Variants in MAML3 observed in about 807,000 individuals in gnomAD.
MAML3 encodes mastermind like transcriptional coactivator 3.
MAML3 carries 27 observed loss-of-function variants against 101.9 expected under a neutral mutation model. That is an observed-to-expected ratio of 0.27 (90% CI 0.20 to 0.37). MAML3 has a LOEUF of 0.37. Ranked by LOEUF, MAML3 falls within the 10% of genes least tolerant of loss-of-function variation. The pLI, the probability that MAML3 is intolerant of heterozygous loss-of-function variation, is 1.00. For synonymous variants in MAML3, 501 were observed against 555.9 expected, an observed-to-expected ratio of 0.90 and a Z score of 1.39; for missense variants, 1,316 against 1,444.9, an observed-to-expected ratio of 0.91 and a Z score of 1.45.
intron 1 of MAML3, among the ~76,000 whole-genome samples, chr4:139,911,498 G>A (rs949759259): frequency 2.0e-5 from 3 of 152,190 alleles, no homozygotes; most frequent in Non-Finnish European, 4.4e-5. Flanking sequence ...AATTACAGGC[G>A]TGAGCCACTG....
chr4:140,089,453 G>T (rs1220997430), intron 1 of MAML3, among the ~76,000 whole-genome samples: 1 of 152,138 alleles, frequency 6.6e-6, no homozygotes, highest in African/African-American at 2.4e-5. Context: ...TCATGACCTT[G>T]GGCAAGTCAC....
intron 2 of MAML3, among the ~76,000 whole-genome samples, chr4:139,788,362 G>T (rs1191220604): frequency 1.3e-5 from 2 of 152,124 alleles, no homozygotes; most frequent in African/African-American, 4.8e-5. Context: ...ACTAGAATCA[G>T]TTAGTTTGCT....
chr4:139,825,613 G>A (rs1731047978), intron 2 of MAML3, among the ~76,000 whole-genome samples: 1 of 152,178 alleles, frequency 6.6e-6, no homozygotes, highest in Admixed American at 6.5e-5. Context: ...GCTTCCTCCT[G>A]CAAGGCACGG....
At chr4:139,828,485 C>T (rs1384157604) in intron 2 of MAML3, among the ~76,000 whole-genome samples, 1 of 152,186 alleles carries the variant, frequency 6.6e-6, no homozygotes, top group African/African-American at 2.4e-5. Context: ...ATCACATACA[C>T]ATTGAATCCT....
At chr4:140,106,742 C>A (rs1728358868) in intron 1 of MAML3, among the ~76,000 whole-genome samples, 1 of 152,190 alleles carries the variant, frequency 6.6e-6, no homozygotes, top group Admixed American at 6.5e-5. Flanking sequence ...CACTGGCAAC[C>A]AATCACAGCT....
chr4:140,073,292 C>A (rs1347632053), intron 1 of MAML3, among the ~76,000 whole-genome samples: 4 of 152,094 alleles, frequency 2.6e-5, no homozygotes, highest in Non-Finnish European at 5.9e-5. Context: ...CGCCTGCCAC[C>A]ATGCCCGGCT....
Position 139,735,805 on chromosome 4 carries a change from C to G in MAML3, c.2080-5138G>C, listed in dbSNP as rs1436589237. On this transcript the variant is annotated intron_variant, in intron 2 of 4. Transcript: ENST00000509479. The surrounding 1 kb of genome is among the most constrained non-coding windows in gnomAD (Gnocchi z 5.8). Reference sequence around the variant, plus strand: ...GCAGGACCTAGACTGCCTCTCGGCGCAGGCGGCCCTAACAAAGAAGCCCAC... The same window carrying G: ...GCAGGACCTAGACTGCCTCTCGGCGGAGGCGGCCCTAACAAAGAAGCCCAC... Among the ~76,000 whole-genome samples the G allele has an allele frequency of 2.6e-5, 4 of 152,156 alleles. No homozygotes were observed. The highest frequency in any genetic ancestry group is 5.9e-5 in the Non-Finnish European group (4 of 67,998).
chr4:139,997,281 G>A (rs1734836382), intron 1 of MAML3, among the ~76,000 whole-genome samples: 1 of 151,044 alleles, frequency 6.6e-6, no homozygotes, highest in South Asian at 2.1e-4. Flanking sequence ...CATATTTTCT[G>A]ACTACCAGTT....
chr4:139,721,679 G>A (rs1728239510), intron 4 of MAML3, among the ~76,000 whole-genome samples: 1 of 152,064 alleles, frequency 6.6e-6, no homozygotes, highest in South Asian at 2.1e-4. Flanking sequence ...TGTGGCTTGA[G>A]ATCAATATCA....
At chr4:140,002,241 T>A (rs1240279775) in intron 1 of MAML3, among the ~76,000 whole-genome samples, 1 of 152,214 alleles carries the variant, frequency 6.6e-6, no homozygotes, top group Non-Finnish European at 1.5e-5. Context: ...CTGGTAACCA[T>A]CATTCTACTC....
chr4:140,152,818 C>A, intron 1 of MAML3, 42 bp downstream of exon 1: 1 of 1,583,422 alleles, frequency 6.3e-7, no homozygotes, highest in Non-Finnish European at 8.6e-7. Flanking sequence ...ACCACCACCA[C>A]CCCCAACGCG....
chr4:139,977,031 A>T (rs978501255), intron 1 of MAML3, among the ~76,000 whole-genome samples: 2 of 152,134 alleles, frequency 1.3e-5, no homozygotes, highest in Non-Finnish European at 2.9e-5. Context: ...TCAGGTCGTA[A>T]GGGCAGAGCC....
intron 1 of MAML3, among the ~76,000 whole-genome samples, chr4:140,097,403 G>GT (rs1380054554): frequency 6.6e-6 from 1 of 152,176 alleles, no homozygotes; most frequent in Non-Finnish European, 1.5e-5. Flanking sequence ...CGAAGCCGAG[G>GT]TTTTGTTCGA....
intron 1 of MAML3, among the ~76,000 whole-genome samples, chr4:139,923,428 T>C (rs951505113): frequency 1.3e-5 from 2 of 152,240 alleles, no homozygotes; most frequent in Admixed American, 6.5e-5. Context: ...ACAATATGTT[T>C]GGTTCTTGTG....
intron 1 of MAML3, among the ~76,000 whole-genome samples, chr4:140,119,800 G>A (rs1012268716): frequency 3.3e-5 from 5 of 152,164 alleles, no homozygotes; most frequent in African/African-American, 1.2e-4. Context: ...TGCATTTGAA[G>A]ACAGGATCTC....
intron 2 of MAML3, among the ~76,000 whole-genome samples, chr4:139,739,720 TAA>T (rs59259375): frequency 1.0e-3 from 137 of 134,180 alleles, no homozygotes; most frequent in Non-Finnish European, 1.8e-3. Flanking sequence ...GTGTTAAAAC[TAA>T]AAAAAAAAAA....
At position 139,877,076 on chromosome 4, in the gene MAML3, G is replaced by C. The variant is rs553588559; in HGVS notation, c.2079+12281C>G. 2.0e-5 allele frequency among the ~76,000 whole-genome samples: 3 copies of C among 152,234 alleles called. No homozygotes were observed. The East Asian group carries it at 5.8e-4, about 29-fold the overall frequency. On this transcript the variant is annotated intron_variant, in intron 2 of 4. Transcript: ENST00000509479. ...AGGAAATCATGATATTAATAAATGG[G>C]AGTTATTAGTTTGGATATAATTTGG...
At chr4:140,113,011 T>G (rs1728461360) in intron 1 of MAML3, among the ~76,000 whole-genome samples, 1 of 152,184 alleles carries the variant, frequency 6.6e-6, no homozygotes, top group Non-Finnish European at 1.5e-5. Context: ...CCGGGCGCAG[T>G]GGCTCATGCC....
intron 1 of MAML3, among the ~76,000 whole-genome samples, chr4:140,051,615 CAA>C (rs1006885413): frequency 6.6e-6 from 1 of 151,466 alleles, no homozygotes; most frequent in African/African-American, 2.4e-5. Context: ...TCATTTTTGA[CAA>C]AGAATATCTA....
Sources: gnomAD v4.1 joint callset for allele counts (sites outside exome capture counted in the v4.1 genomes callset) on GRCh38, gnomAD v4.1.1 for gene constraint, Gnocchi (gnomAD v3.1) non-coding constraint, MANE v1.5 for transcripts, NCBI Gene and HGNC (gene_info 2026-07-23, HGNC 2026-07-21) for gene names.